SEC14L1: variants seen among roughly 807,000 people sequenced by gnomAD.
The protein encoded by SEC14L1 is SEC14-like protein 1.
In SEC14L1, 48 loss-of-function variants were observed where a neutral mutation model predicts 85.3. That is an observed-to-expected ratio of 0.56 (90% CI 0.45 to 0.72). The LOEUF (loss-of-function observed/expected upper bound fraction) is 0.72. Ranked by LOEUF, SEC14L1 falls within the 30% of genes least tolerant of loss-of-function variation. SEC14L1 has a pLI of 0.00. For missense variants in SEC14L1, 682 were observed against 921.4 expected, an observed-to-expected ratio of 0.74 and a Z score of 3.36; for synonymous variants, 391 against 355.5, an observed-to-expected ratio of 1.10 and a Z score of -1.12.
intron 3 of SEC14L1, among the ~76,000 whole-genome samples, chr17:77,149,493 C>T (rs1598301487): frequency 6.6e-6 from 1 of 151,884 alleles, no homozygotes; most frequent in Admixed American, 6.6e-5. Context: ...TCCAGGAGTT[C>T]GAGACCAACT....
intron 3 of SEC14L1, among the ~76,000 whole-genome samples, chr17:77,179,831 C>A (rs554754835): frequency 6.6e-6 from 1 of 151,604 alleles, no homozygotes. Flanking sequence ...CCCGCCACCA[C>A]GCCCGGCTAA....
chr17:77,171,614 A>C (rs1484164414), intron 3 of SEC14L1, among the ~76,000 whole-genome samples: 2 of 152,182 alleles, frequency 1.3e-5, no homozygotes, highest in African/African-American at 4.8e-5. Flanking sequence ...GCTCTGTTCA[A>C]ATTTTTCCAA....
At chr17:77,157,967 T>C (rs1483344575) in intron 3 of SEC14L1, among the ~76,000 whole-genome samples, 12 of 152,152 alleles carry the variant, frequency 7.9e-5, no homozygotes. Flanking sequence ...TTCTCCAAAT[T>C]GCTGTTCTTG....
Position 77,175,253 on chromosome 17 carries a change from G to A in SEC14L1, c.64-15550G>A, listed in dbSNP as rs188056053. Among the ~76,000 whole-genome samples the A allele has an allele frequency of 1.6e-3, 249 of 152,250 alleles. 5 individuals carry two copies. In the South Asian group the frequency reaches 0.043, roughly 26 times the overall value. On this transcript the variant is annotated intron_variant, in intron 3 of 16. Coordinates refer to ENST00000436233, the MANE Select transcript of SEC14L1 (RefSeq NM_001143998.2). ...TTCAGGAGGACGAGAGAGAGATCTC[G>A]GGTTAAAACAGGAGAATCTTTTATT...
intron 8 of SEC14L1, among the ~76,000 whole-genome samples, chr17:77,200,126 A>G (rs575713521): frequency 6.6e-6 from 1 of 152,224 alleles, no homozygotes; most frequent in Non-Finnish European, 1.5e-5. Flanking sequence ...AGATCATGCC[A>G]CAACACTCCA....
rs1194470360 is a variant in SEC14L1, at chr17:77,100,624, A to G, written c.-136+7277A>G. ...GCTAATTTTTGTATTTTTAGTAGAG[A>G]CAGGGTTTCACCATGTTGGTCAGGC... On this transcript the variant is annotated intron_variant, in intron 3 of 19. Transcript: ENST00000392476. 4.0e-5 allele frequency among the ~76,000 whole-genome samples: 6 copies of G among 151,102 alleles called. No homozygotes were observed. In the East Asian group the frequency reaches 1.2e-3, roughly 29 times the overall value.
rs574767624 is a variant in SEC14L1 at position 77,214,934 on chromosome 17, G to T, written c.*911G>T. 1.0e-6 allele frequency: 1 copy of T among 985,286 alleles called. No individual in the cohort carries two copies. The highest frequency in any genetic ancestry group is 1.7e-5 in the African/African-American group (1 of 57,184). 61.0% of individuals were successfully genotyped at this position (985,286 alleles called of 1,614,324 possible). A position where few individuals can be genotyped will look rare whatever the true frequency, so the allele number is the denominator to read the frequency against. On this transcript the variant is annotated 3_prime_UTR_variant, in exon 17 of 17. Transcript: ENST00000436233. ...GAGGCCGTCTTGGAACCAGCAAGTC[G>T]CATTTGCCACTTGACACTGTCCATG...
chr17:77,120,792 C>T (rs138500239), intron 3 of SEC14L1, among the ~76,000 whole-genome samples: 12 of 152,244 alleles, frequency 7.9e-5, no homozygotes, highest in Admixed American at 2.0e-4. Context: ...TCTCCATATT[C>T]TGATTGTAAG....
At chr17:77,209,931 C>A (rs1310209840) in intron 14 of SEC14L1, 1 of 152,690 alleles carries the variant, frequency 6.5e-6, no homozygotes, top group Non-Finnish European at 1.5e-5. Flanking sequence ...CAACCTCCGC[C>A]TTATGGGTTC....
intron 3 of SEC14L1, 84 bp from the exon 4 acceptor site, chr17:77,190,719 C>T: frequency 7.1e-7 from 1 of 1,415,610 alleles, no homozygotes; most frequent in Non-Finnish European, 9.9e-7. Flanking sequence ...CCGAGAGGTG[C>T]TGTTCCAGGG....
At chr17:77,196,942 TC>T (rs1975841139) in intron 8 of SEC14L1, among the ~76,000 whole-genome samples, 1 of 152,212 alleles carries the variant, frequency 6.6e-6, no homozygotes, top group South Asian at 2.1e-4. Flanking sequence ...TGTTTTCAGG[TC>T]TTTATTCCAT....
chr17:77,167,147 T>C (rs1356560587), intron 3 of SEC14L1, among the ~76,000 whole-genome samples: 5 of 47,924 alleles, frequency 1.0e-4, no homozygotes, highest in African/African-American at 8.5e-4. Flanking sequence ...TTCTTTTTCC[T>C]TTTTTTTTTT....
At chr17:77,203,784 A>C in intron 10 of SEC14L1, 126 bp downstream of exon 10, 1 of 664,804 alleles carries the variant, frequency 1.5e-6, no homozygotes, top group South Asian at 1.8e-5. Flanking sequence ...AGGACTGAAA[A>C]TATATTAATA....
Position 77,194,767 on chromosome 17 carries a change from T to C in SEC14L1, c.565T>C (p.Ser189Pro). The change falls in exon 7 of 17, where the codon TCT becomes CCT. Residue 189 changes from serine (S) to proline (P), a missense_variant. Physicochemically the swap from Ser to Pro is moderately conservative, Grantham distance 74. This residue lies in a region of SEC14L1 where 123 missense variants were observed against 100.6 expected (regional missense o/e 1.22). Coordinates refer to ENST00000436233, the MANE Select transcript of SEC14L1 (RefSeq NM_001143998.2). ...TTGGAGTCCGCCTTCCATCACGACC[T>C]CTTCAGAGACATCTTCATCATCCTC... ...PRWSPPSITT[S>P]SETSSSSSKK... The C allele has an allele frequency of 6.2e-7, 1 of 1,614,194 alleles. No homozygotes were observed. The highest frequency in any genetic ancestry group is 8.5e-7 in the Non-Finnish European group (1 of 1,180,022).
At position 77,173,145 on chromosome 17, in the gene SEC14L1, G is replaced by A. The variant is rs571753171; in HGVS notation, c.64-17658G>A. On this transcript the variant is annotated intron_variant, in intron 3 of 16. Coordinates refer to ENST00000436233, the MANE Select transcript of SEC14L1 (RefSeq NM_001143998.2). ...GGTTTGAGCTCCCTTTGTAGGTTTC[G>A]GACCTCTGAGCTAGTTAATGGAGCA... 4.6e-5 allele frequency among the ~76,000 whole-genome samples: 7 copies of A among 152,224 alleles called. No individual in the cohort carries two copies. In the South Asian group the frequency reaches 6.2e-4, roughly 14 times the overall value.
At chr17:77,162,194 A>G (rs1309003085) in intron 3 of SEC14L1, among the ~76,000 whole-genome samples, 5 of 152,076 alleles carry the variant, frequency 3.3e-5, no homozygotes, top group Admixed American at 2.0e-4. Context: ...AGGCCATTGG[A>G]GGCCAACCGA....
At chr17:77,146,194 G>C (rs935904267) in intron 3 of SEC14L1, among the ~76,000 whole-genome samples, 1 of 152,170 alleles carries the variant, frequency 6.6e-6, no homozygotes, top group African/African-American at 2.4e-5. Flanking sequence ...GGAGGCAGTG[G>C]GGGTGGTAGG....
chr17:77,190,736 C>T (rs895007006), intron 3 of SEC14L1, 67 bp from the exon 4 acceptor site: 1 of 1,549,936 alleles, frequency 6.5e-7, no homozygotes. Context: ...AGGGAGAACA[C>T]AGTCAGCGGC....
chr17:77,214,995 C>T lies in SEC14L1; in HGVS notation c.*972C>T. On this transcript the variant is annotated 3_prime_UTR_variant, in exon 17 of 17. Coordinates refer to ENST00000436233, the MANE Select transcript of SEC14L1 (RefSeq NM_001143998.2). ...AGTAGCTAAGCAGCAGCTCTCGCAT[C>T]CACTTCAGGGTGGCGTGTGGCATGT... The T allele has an allele frequency of 1.0e-6, 1 of 985,458 alleles. No individual in the cohort carries two copies. Among genetic ancestry groups the T allele is most frequent in the Non-Finnish European group, 1.2e-6 (1 of 829,994 alleles). The allele number at this position is 985,458 out of a possible 1,614,324, so 61.0% of individuals were successfully genotyped here. A position where few individuals can be genotyped will look rare whatever the true frequency, so the allele number is the denominator to read the frequency against.
Sources: allele counts gnomAD v4.1 joint callset (sites outside exome capture counted in the v4.1 genomes callset), GRCh38; gene constraint gnomAD v4.1.1; regional missense constraint gnomAD v4.1.1; transcripts MANE v1.5; gene names NCBI Gene and HGNC (gene_info 2026-07-23, HGNC 2026-07-21).